The following ZFAND6 variants were observed in gnomAD, a reference collection of about 807,000 sequenced individuals.
ZFAND6 encodes the protein zinc finger AN1-type containing 6.
In ZFAND6, 12 loss-of-function variants were observed where a neutral mutation model predicts 24.5. The observed-to-expected ratio is 0.49, with a 90% CI of 0.31 to 0.79. The LOEUF (loss-of-function observed/expected upper bound fraction) is 0.79. Among genes scored for constraint, ZFAND6 ranks in the 30% least tolerant of loss-of-function variants. The pLI is 0.04. For synonymous variants in ZFAND6, 92 were observed against 81.5 expected, an observed-to-expected ratio of 1.13 and a Z score of -0.69; for missense variants, 207 against 245.9, an observed-to-expected ratio of 0.84 and a Z score of 1.06.
At chr15:80,131,029 A>G in intron 5 of ZFAND6, 151 bp from the exon 6 acceptor site, 2 of 524,374 alleles carry the variant, frequency 3.8e-6, no homozygotes, top group Non-Finnish European at 6.6e-6. Context: ...AAGGGGTCAT[A>G]TTTTTGTAAA....
At chr15:80,067,510 G>T (rs1419102835) in intron 1 of ZFAND6, among the ~76,000 whole-genome samples, 1 of 151,938 alleles carries the variant, frequency 6.6e-6, no homozygotes. Flanking sequence ...TTAAGTTTGT[G>T]TGAATTGTTT....
chr15:80,078,396 T>C (rs1412596106), intron 1 of ZFAND6, among the ~76,000 whole-genome samples: 1 of 152,266 alleles, frequency 6.6e-6, no homozygotes. Context: ...TTTTGTTCTT[T>C]TTTATGGCTG....
At chr15:80,087,328 A>G (rs531576095) in intron 1 of ZFAND6, among the ~76,000 whole-genome samples, 2 of 152,312 alleles carry the variant, frequency 1.3e-5, no homozygotes, top group African/African-American at 4.8e-5. Context: ...CGGTGTGGTC[A>G]GTCTTTTAAA....
At chr15:80,123,683 G>A (rs972415595) in intron 5 of ZFAND6, among the ~76,000 whole-genome samples, 3 of 152,168 alleles carry the variant, frequency 2.0e-5, no homozygotes, top group South Asian at 2.1e-4. Flanking sequence ...CAGGAGGATC[G>A]CTTGAGTCTG....
intron 2 of ZFAND6, among the ~76,000 whole-genome samples, chr15:80,103,599 A>G (rs1169748317): frequency 2.0e-5 from 3 of 152,162 alleles, no homozygotes. Flanking sequence ...AAAGTGTCCA[A>G]ATTTTTTAGC....
At chr15:80,120,621 A>AT (rs1278328661) in intron 3 of ZFAND6, 123 bp downstream of exon 3, 1 of 811,152 alleles carries the variant, frequency 1.2e-6, no homozygotes, top group Non-Finnish European at 1.7e-6. Flanking sequence ...TATCAGTAAA[A>AT]TTTCTCATTA....
intron 2 of ZFAND6, among the ~76,000 whole-genome samples, chr15:80,109,133 T>G (rs75969619): frequency 0.087 from 13,214 of 152,208 alleles, 655 homozygotes; most frequent in East Asian, 0.19. Context: ...AAAGGAGCCT[T>G]TCTCGTTTTT....
chr15:80,068,393 A>C (rs992230212), intron 1 of ZFAND6, among the ~76,000 whole-genome samples: 1 of 149,742 alleles, frequency 6.7e-6, no homozygotes, highest in South Asian at 2.1e-4. Flanking sequence ...TTTTTTTGAG[A>C]TGGAGTCTCG....
intron 1 of ZFAND6, among the ~76,000 whole-genome samples, chr15:80,071,937 TA>T (rs1285575983): frequency 1.3e-5 from 2 of 152,100 alleles, no homozygotes; most frequent in East Asian, 3.8e-4. Context: ...CAGTTTTAAG[TA>T]GAAATATCAA....
At chr15:80,120,033 C>T (rs1033154616) in intron 2 of ZFAND6, among the ~76,000 whole-genome samples, 4 of 152,102 alleles carry the variant, frequency 2.6e-5, no homozygotes, top group Non-Finnish European at 5.9e-5. Context: ...ATAAGTTATC[C>T]TTGACCTTCT....
At chr15:80,128,961 A>G (rs1461606949) in intron 5 of ZFAND6, among the ~76,000 whole-genome samples, 1 of 152,230 alleles carries the variant, frequency 6.6e-6, no homozygotes, top group Non-Finnish European at 1.5e-5. Context: ...AAAAACTATA[A>G]TCTTGTGATA....
chr15:80,134,315 G>T (rs2040757563), intron 6 of ZFAND6, among the ~76,000 whole-genome samples: 1 of 152,128 alleles, frequency 6.6e-6, no homozygotes, highest in African/African-American at 2.4e-5. Flanking sequence ...ATTGGACAAT[G>T]CCCCTGGCCA....
intron 1 of ZFAND6, among the ~76,000 whole-genome samples, chr15:80,073,071 T>C (rs1405291672): frequency 6.6e-6 from 1 of 151,986 alleles, no homozygotes; most frequent in African/African-American, 2.4e-5. Context: ...TTTAGTAAAT[T>C]GAAATGCCAA....
In ZFAND6 at chr15:80,099,178, G is replaced by GA. The variant is rs1567073263; in HGVS notation, c.-18+608dup. Among the ~76,000 whole-genome samples, 3 of 151,852 alleles carry GA rather than the reference G, an allele frequency of 2.0e-5. No individual in the cohort carries two copies. In the South Asian group the frequency reaches 6.2e-4, roughly 32 times the overall value. ...TTGAATAATAGAAATGCCTATGGAA[G>GA]AAAAAAAATCTCCTTTTCTTTCCTT... On this transcript the variant is annotated intron_variant, in intron 2 of 6. Coordinates refer to ENST00000261749, the MANE Select transcript of ZFAND6 (RefSeq NM_019006.4).
At chr15:80,068,235 C>A (rs940794052) in intron 1 of ZFAND6, among the ~76,000 whole-genome samples, 41 of 151,950 alleles carry the variant, frequency 2.7e-4, no homozygotes, top group Non-Finnish European at 5.2e-4. Context: ...GTAGTCTCAA[C>A]CTCCCTGGCT....
chr15:80,106,950 C>T (rs1052750639), intron 2 of ZFAND6, among the ~76,000 whole-genome samples: 2 of 152,144 alleles, frequency 1.3e-5, no homozygotes, highest in African/African-American at 2.4e-5. Context: ...CAGTGGCTCA[C>T]GCCTGTAATC....
intron 1 of ZFAND6, among the ~76,000 whole-genome samples, chr15:80,078,346 A>G (rs1443201048): frequency 1.3e-5 from 2 of 152,208 alleles, no homozygotes; most frequent in Admixed American, 6.5e-5. Flanking sequence ...ACTTAGGATA[A>G]TGGCCTCCAG....
At chr15:80,105,421 G>T (rs1181441717) in intron 2 of ZFAND6, among the ~76,000 whole-genome samples, 1 of 152,092 alleles carries the variant, frequency 6.6e-6, no homozygotes, top group Non-Finnish European at 1.5e-5. Flanking sequence ...AGGAGTCTTG[G>T]ATTTATGACT....
chr15:80,088,566 C>T (rs1239998563), intron 1 of ZFAND6, among the ~76,000 whole-genome samples: 1 of 148,130 alleles, frequency 6.8e-6, no homozygotes. Context: ...AACTCTGTCT[C>T]AAAAGAAAAA....
Sources: gnomAD v4.1 joint callset for allele counts (sites outside exome capture counted in the v4.1 genomes callset) on GRCh38, gnomAD v4.1.1 for gene constraint, MANE v1.5 for transcripts, NCBI Gene and HGNC (gene_info 2026-07-23, HGNC 2026-07-21) for gene names.